The following AMD1 variants were observed in gnomAD, a reference collection of about 807,000 sequenced individuals.
AMD1 encodes the protein adenosylmethionine decarboxylase 1, also known as S-adenosylmethionine decarboxylase proenzyme.
AMD1 carries 11 observed loss-of-function variants against 40.2 expected under a neutral mutation model. That is an observed-to-expected ratio of 0.27 (90% CI 0.17 to 0.45). AMD1 has a LOEUF of 0.45. Among genes scored for constraint, AMD1 ranks in the 20% least tolerant of loss-of-function variants. The pLI, the probability that AMD1 is intolerant of heterozygous loss-of-function variation, is 1.00. For synonymous variants in AMD1, 121 were observed against 130.8 expected, an observed-to-expected ratio of 0.93 and a Z score of 0.51; for missense variants, 257 against 410.2, an observed-to-expected ratio of 0.63 and a Z score of 3.23.
Position 110,875,163 on chromosome 6 carries a change from C to G in AMD1, c.58C>G (p.Arg20Gly). The G allele has an allele frequency of 6.2e-7, 1 of 1,613,174 alleles. No homozygotes were observed. The highest frequency in any genetic ancestry group is 1.7e-5 in the Admixed American group (1 of 59,926). Residue 20 changes from arginine to glycine, a missense_variant, in exon 1 of 9, where the codon CGG becomes GGG. Physicochemically the swap from Arg to Gly is moderately radical, Grantham distance 125. Around this residue, in one of 3 missense-constraint regions of AMD1, gnomAD observed 57 missense variants for 76.8 expected, o/e 0.74. Coordinates refer to ENST00000368885, the MANE Select transcript of AMD1 (RefSeq NM_001634.6). The part of the protein sequence containing the change: ...TEKLLEVWFS[R>G]QQPDANQGSG... The stretch of plus-strand genomic sequence containing the variant: ...GAAGCTGCTGGAGGTTTGGTTCTCC[C>G]GGCAGCAGCCCGACGCAAACCAAGG...
chr6:110,843,356 C>T, the AMD1 span, among the ~76,000 whole-genome samples: 570 of 149,694 alleles, frequency 3.8e-3, 3 homozygotes, highest in Non-Finnish European at 5.9e-3. Flanking sequence ...CCCAGCTACA[C>T]GGGAGGCTGA....
chr6:110,830,679 A>G, the AMD1 span, among the ~76,000 whole-genome samples: 1 of 152,178 alleles, frequency 6.6e-6, no homozygotes, highest in African/African-American at 2.4e-5. Flanking sequence ...TGCTGCTGCT[A>G]TACACTACCG....
In AMD1 at chr6:110,893,473, C is replaced by T; in HGVS notation, c.865-3C>T. On this transcript the variant is annotated splice_region_variant and splice_polypyrimidine_tract_variant and intron_variant, in intron 8 of 8. Transcript: ENST00000368885. Reference sequence around the variant, plus strand: ...CTAACGGTTATTTAATTTTTTCCCCCAGAGTTCTAAATGTCGCACAGTGCT... The same window carrying T: ...CTAACGGTTATTTAATTTTTTCCCCTAGAGTTCTAAATGTCGCACAGTGCT... 1 of 1,612,274 alleles carries T rather than the reference C, an allele frequency of 6.2e-7. No homozygotes were observed. The highest frequency in any genetic ancestry group is 8.5e-7 in the Non-Finnish European group (1 of 1,179,386).
the AMD1 span, among the ~76,000 whole-genome samples, chr6:110,852,044 C>T: frequency 2.1e-5 from 3 of 146,200 alleles, no homozygotes; most frequent in South Asian, 2.2e-4. Context: ...TGTAACATAA[C>T]GAGATTTTTT....
At chr6:110,830,318 T>C in the AMD1 span, among the ~76,000 whole-genome samples, 1 of 151,916 alleles carries the variant, frequency 6.6e-6, no homozygotes, top group East Asian at 1.9e-4. Flanking sequence ...CCGGCCAGGA[T>C]CTATTTTTTG....
chr6:110,856,634 C>T, the AMD1 span: 2 of 152,134 alleles, frequency 1.3e-5, no homozygotes, highest in African/African-American at 4.8e-5. Context: ...GACTCTGTGG[C>T]AGGGAAGATT....
At position 110,893,572 on chromosome 6, in the gene AMD1, G is replaced by T; in HGVS notation, c.961G>T (p.Val321Phe). The T allele has an allele frequency of 1.9e-6, 3 of 1,613,848 alleles. No individual in the cohort carries two copies. The highest frequency in any genetic ancestry group is 2.5e-6 in the Non-Finnish European group (3 of 1,179,952). Residue 321 changes from valine (V) to phenylalanine (F), a missense_variant, in exon 9 of 9, where the codon GTT becomes TTT. Around this residue, in one of 3 missense-constraint regions of AMD1, gnomAD observed 192 missense variants for 296.5 expected, o/e 0.65. Coordinates refer to ENST00000368885, the MANE Select transcript of AMD1 (RefSeq NM_001634.6). ...TGCTATGTTCAATGATTACAATTTT[G>T]TTTTTACCAGTTTTGCTAAGAAGCA... ...QSAMFNDYNF[V>F]FTSFAKKQQQ...
chr6:110,836,333 AAAT>A, the AMD1 span, among the ~76,000 whole-genome samples: 1 of 152,156 alleles, frequency 6.6e-6, no homozygotes, highest in East Asian at 1.9e-4. Context: ...AGAAATAAAT[AAAT>A]AATAATATAA....
chr6:110,879,469 GAAAC>G (rs1288521390), intron 1 of AMD1, among the ~76,000 whole-genome samples: 1 of 152,172 alleles, frequency 6.6e-6, no homozygotes, highest in Non-Finnish European at 1.5e-5. Context: ...TTGAGATAGA[GAAAC>G]AATAATGTGA....
the AMD1 span, among the ~76,000 whole-genome samples, chr6:110,844,301 G>A: frequency 1.7e-4 from 25 of 151,448 alleles, no homozygotes; most frequent in African/African-American, 6.1e-4. Flanking sequence ...GGGATTACAG[G>A]CATGTGCCAC....
chr6:110,883,655 G>A (rs958096030), intron 1 of AMD1, among the ~76,000 whole-genome samples: 12 of 152,158 alleles, frequency 7.9e-5, no homozygotes, highest in Non-Finnish European at 1.5e-4. Context: ...GCAGTGACAC[G>A]ATCTCGGCTC....
chr6:110,876,578 A>G (rs935716673), intron 1 of AMD1, among the ~76,000 whole-genome samples: 15 of 152,174 alleles, frequency 9.9e-5, no homozygotes, highest in African/African-American at 3.6e-4. Context: ...TCCATTGTAG[A>G]AAAAAATACT....
chr6:110,845,721 A>G, the AMD1 span, among the ~76,000 whole-genome samples: 1 of 152,128 alleles, frequency 6.6e-6, no homozygotes, highest in Non-Finnish European at 1.5e-5. Context: ...CGGCTTCCAT[A>G]CTTTTCAGGT....
the AMD1 span, among the ~76,000 whole-genome samples, chr6:110,846,840 A>G: frequency 6.6e-6 from 1 of 152,134 alleles, no homozygotes; most frequent in Non-Finnish European, 1.5e-5. Flanking sequence ...ACTGCACTCC[A>G]GCCTGGGCAA....
chr6:110,815,435 G>C, the AMD1 span: 1 of 260,738 alleles, frequency 3.8e-6, no homozygotes, highest in East Asian at 7.9e-5. Context: ...GGTGGGCCGC[G>C]CCGTGGCTTC....
the AMD1 span, among the ~76,000 whole-genome samples, chr6:110,821,929 C>A: frequency 6.6e-6 from 1 of 152,062 alleles, no homozygotes; most frequent in Admixed American, 6.5e-5. Flanking sequence ...CAAGAATAAA[C>A]CAAACCCGAA....
At chr6:110,818,435 A>G in the AMD1 span, among the ~76,000 whole-genome samples, 1 of 152,210 alleles carries the variant, frequency 6.6e-6, no homozygotes, top group African/African-American at 2.4e-5. Context: ...TTATTGGATT[A>G]ATTTGTAGCT....
chr6:110,821,573 C>T, the AMD1 span, among the ~76,000 whole-genome samples: 5 of 151,814 alleles, frequency 3.3e-5, no homozygotes, highest in East Asian at 1.9e-4. Flanking sequence ...AAGATCATGC[C>T]GTTGCACTCC....
chr6:110,837,172 CAAAAAAAAAA>C, the AMD1 span, among the ~76,000 whole-genome samples: 3 of 23,876 alleles, frequency 1.3e-4, no homozygotes, highest in African/African-American at 4.3e-4. Context: ...CAGAGCGTCT[CAAAAAAAAAA>C]AAAAAAAAAA....
Sources: allele counts gnomAD v4.1 joint callset (sites outside exome capture counted in the v4.1 genomes callset), GRCh38; gene constraint gnomAD v4.1.1; regional missense constraint gnomAD v4.1.1; transcripts MANE v1.5; gene names NCBI Gene and HGNC (gene_info 2026-07-23, HGNC 2026-07-21).